DIP2B: variants seen among roughly 807,000 people sequenced by gnomAD.
DIP2B encodes disco-interacting protein 2 homolog B.
DIP2B carries 76 observed loss-of-function variants against 198.0 expected under a neutral mutation model. The ratio of observed to expected loss-of-function variants is 0.38; its 90% CI spans 0.32 to 0.46. The LOEUF is 0.46. DIP2B is among the 20% of genes least tolerant of loss of function. The probability of loss-of-function intolerance (pLI) is 0.99; values close to 1 mark genes in which losing one functional copy is unlikely to be tolerated. For synonymous variants in DIP2B, 701 were observed against 739.1 expected (o/e 0.95, Z 0.84); for missense variants, 1,559 against 1,978.4 (o/e 0.79, Z 4.02).
At position 50,591,882 on chromosome 12, in the gene DIP2B, T is replaced by TG. The variant is rs1491541684; in HGVS notation, c.101-34094_101-34093insG. On this transcript the variant is annotated intron_variant, in intron 1 of 37. Transcript: ENST00000301180. ...ACTTTTATTTCTTTATTTTTGTGTG[T>TG]TTTTTTTTTTTTTGAGATGGAGTCT... 7.6e-4 allele frequency among the ~76,000 whole-genome samples: 93 copies of TG among 122,814 alleles called. 2 individuals are homozygous for TG. The highest frequency in any genetic ancestry group is 2.6e-3 in the African/African-American group (81 of 31,742). 80.6% of individuals were successfully genotyped at this position (122,814 alleles called of 152,430 possible). A position where few individuals can be genotyped will look rare whatever the true frequency, so the allele number is the denominator to read the frequency against.
intron 22 of DIP2B, among the ~76,000 whole-genome samples, chr12:50,712,097 AT>A: frequency 6.6e-6 from 1 of 152,220 alleles, no homozygotes; most frequent in Middle Eastern, 3.4e-3. Flanking sequence ...GAGCCCAGCA[AT>A]TTGAGGTTAT....
intron 37 of DIP2B, among the ~76,000 whole-genome samples, chr12:50,741,810 G>A (rs923607516): frequency 6.6e-6 from 1 of 152,156 alleles, no homozygotes; most frequent in African/African-American, 2.4e-5. Context: ...TTTAGTGATA[G>A]ACTCTCATAA....
intron 1 of DIP2B, among the ~76,000 whole-genome samples, chr12:50,605,669 G>A (rs564481888): frequency 6.6e-6 from 1 of 152,164 alleles, no homozygotes; most frequent in South Asian, 2.1e-4. Flanking sequence ...TGCCTATTTT[G>A]GATATTTGAT....
chr12:50,723,962 G>A lies in DIP2B; in HGVS notation c.3288+639G>A, dbSNP rs193155714. Reference sequence around the variant, plus strand: ...TGATAGAAGTTTTTATAGGATATGAGAGTTAAAGAAAATAAGATAAGTGTG... The same window carrying A: ...TGATAGAAGTTTTTATAGGATATGAAAGTTAAAGAAAATAAGATAAGTGTG... On this transcript the variant is annotated intron_variant, in intron 27 of 37. Coordinates refer to ENST00000301180, the MANE Select transcript of DIP2B (RefSeq NM_173602.3). Among the ~76,000 whole-genome samples the A allele has an allele frequency of 1.7e-3, 260 of 152,260 alleles. 1 individual carries two copies. Among genetic ancestry groups the A allele is most frequent in the Non-Finnish European group, 2.9e-3 (198 of 68,014 alleles).
intron 6 of DIP2B, 78 bp downstream of exon 6, chr12:50,674,707 A>G (rs1448319201): frequency 2.6e-6 from 4 of 1,556,472 alleles, no homozygotes; most frequent in African/African-American, 1.4e-5. Context: ...ATAGCTCCTA[A>G]CTAGCCCAGC....
At chr12:50,735,015 AAC>A (rs1940110862) in intron 33 of DIP2B, 56 bp from the exon 34 acceptor site, 1 of 1,601,636 alleles carries the variant, frequency 6.2e-7, no homozygotes, top group Non-Finnish European at 8.6e-7. Context: ...GAGCTGCAGG[AAC>A]ATGGCGACTT....
At chr12:50,572,929 G>T (rs1958627416) in intron 1 of DIP2B, among the ~76,000 whole-genome samples, 1 of 152,212 alleles carries the variant, frequency 6.6e-6, no homozygotes, top group Non-Finnish European at 1.5e-5. Flanking sequence ...GGAGACAGGT[G>T]AAAGTTGGAG....
intron 1 of DIP2B, among the ~76,000 whole-genome samples, chr12:50,511,413 T>G (rs1209179534): frequency 6.8e-6 from 1 of 146,064 alleles, no homozygotes; most frequent in Admixed American, 7.1e-5. Flanking sequence ...TGCCTCAGCC[T>G]CCCCAATAGC....
At chr12:50,616,431 ATCT>A (rs1369510939) in intron 1 of DIP2B, among the ~76,000 whole-genome samples, 14 of 152,242 alleles carry the variant, frequency 9.2e-5, no homozygotes, top group Non-Finnish European at 1.6e-4. Flanking sequence ...AAAAATTCTC[ATCT>A]TCTTTCAACA....
rs759746586 is a variant in DIP2B, at chr12:50,682,389, G to A, written c.1207-749G>A. Among the ~76,000 whole-genome samples the A allele has an allele frequency of 5.9e-5, 9 of 152,236 alleles. No homozygotes were observed. In the South Asian group the frequency reaches 6.2e-4, roughly 11 times the overall value. ...GCCTGCAATCCCAGCACTTTGGGAG[G>A]CCAAGGCAGGCAGATCACGAGGTCA... On this transcript the variant is annotated intron_variant, in intron 9 of 37. Coordinates refer to ENST00000301180, the MANE Select transcript of DIP2B (RefSeq NM_173602.3).
intron 4 of DIP2B, among the ~76,000 whole-genome samples, chr12:50,669,085 T>C (rs1197868001): frequency 6.6e-6 from 1 of 152,202 alleles, no homozygotes; most frequent in African/African-American, 2.4e-5. Context: ...GTCTTTGCTC[T>C]ATGTACAAAG....
chr12:50,679,073 C>G, intron 8 of DIP2B, 197 bp downstream of exon 8: 1 of 614,558 alleles, frequency 1.6e-6, no homozygotes, highest in Non-Finnish European at 2.7e-6. Flanking sequence ...TGCAAGCCAG[C>G]TAATATTTAA....
At chr12:50,669,157 G>A (rs970761191) in intron 4 of DIP2B, among the ~76,000 whole-genome samples, 11 of 151,934 alleles carry the variant, frequency 7.2e-5, no homozygotes, top group South Asian at 2.1e-4. Flanking sequence ...GATTACTCCC[G>A]TTTCTTAGCA....
At chr12:50,527,523 G>A (rs1013876844) in intron 1 of DIP2B, among the ~76,000 whole-genome samples, 1 of 152,128 alleles carries the variant, frequency 6.6e-6, no homozygotes, top group African/African-American at 2.4e-5. Context: ...ATCCTTGGCC[G>A]ACAGCACTTT....
chr12:50,569,245 G>C (rs932926047), intron 1 of DIP2B, among the ~76,000 whole-genome samples: 13 of 152,154 alleles, frequency 8.5e-5, no homozygotes, highest in Admixed American at 6.5e-4. Flanking sequence ...CTGGTCCTCA[G>C]TATGTGTTTT....
At chr12:50,559,155 C>T (rs1958496121) in intron 1 of DIP2B, among the ~76,000 whole-genome samples, 1 of 152,134 alleles carries the variant, frequency 6.6e-6, no homozygotes, top group African/African-American at 2.4e-5. Context: ...TAGGTGATCA[C>T]CCCAGTACTT....
intron 1 of DIP2B, among the ~76,000 whole-genome samples, chr12:50,535,837 A>G (rs910047604): frequency 4.7e-5 from 7 of 147,652 alleles, no homozygotes; most frequent in South Asian, 2.3e-4. Flanking sequence ...TCCTAAAGCT[A>G]TGCCTCCCCC....
rs1940039240 is a variant in DIP2B, at chr12:50,731,350, CTT to C, written c.3642-18_3642-17del. On this transcript the variant is annotated splice_polypyrimidine_tract_variant and intron_variant, in intron 30 of 37. Transcript: ENST00000301180. ...CCAGGATGAATTGATGATTCCAGCT[CTT>C]GTCTCTTTCACTGCAGTGTCTATTC... 2.5e-6 allele frequency: 4 copies of C among 1,609,140 alleles called. No homozygotes were observed. Among genetic ancestry groups the C allele is most frequent in the Non-Finnish European group, 3.4e-6 (4 of 1,177,448 alleles).
At chr12:50,526,444 A>G (rs1022957200) in intron 1 of DIP2B, among the ~76,000 whole-genome samples, 2 of 152,142 alleles carry the variant, frequency 1.3e-5, no homozygotes, top group Non-Finnish European at 2.9e-5. Context: ...CTGCCTGACT[A>G]CTTTGCTTAT....
Sources: gnomAD v4.1 joint callset for allele counts (sites outside exome capture counted in the v4.1 genomes callset) on GRCh38, gnomAD v4.1.1 for gene constraint, MANE v1.5 for transcripts, NCBI Gene and HGNC (gene_info 2026-07-23, HGNC 2026-07-21) for gene names.